Variants in IQSEC1 observed in about 807,000 individuals in gnomAD.
The protein encoded by IQSEC1 is IQ motif and Sec7 domain ArfGEF 1.
Under a neutral mutation model 91.0 loss-of-function variants are expected in IQSEC1, and 31 were observed. That is an observed-to-expected ratio of 0.34 (90% confidence interval 0.26 to 0.46). The LOEUF (loss-of-function observed/expected upper bound fraction) is 0.46. Among genes scored for constraint, IQSEC1 ranks in the 20% least tolerant of loss-of-function variants. The probability of loss-of-function intolerance (pLI) is 1.00; values close to 1 mark genes in which losing one functional copy is unlikely to be tolerated. For synonymous variants in IQSEC1, 699 were observed against 662.6 expected, an observed-to-expected ratio of 1.05 and a Z score of -0.84; for missense variants, 1,388 against 1,575.6, an observed-to-expected ratio of 0.88 and a Z score of 2.02.
intron 12 of IQSEC1, among the ~76,000 whole-genome samples, chr3:12,907,675 T>G (rs1695130011): frequency 6.6e-6 from 1 of 152,226 alleles, no homozygotes; most frequent in African/African-American, 2.4e-5. Flanking sequence ...TGAGCCTTGC[T>G]GCTCCCGGTG....
At chr3:13,121,070 C>T (rs1279964089) in intron 2 of IQSEC1, among the ~76,000 whole-genome samples, 1 of 152,220 alleles carries the variant, frequency 6.6e-6, no homozygotes, top group East Asian at 1.9e-4. Flanking sequence ...TGGAGGAGGC[C>T]AGCATGGTCG....
At chr3:13,130,002 C>A (rs558465042) in intron 2 of IQSEC1, among the ~76,000 whole-genome samples, 2 of 151,624 alleles carry the variant, frequency 1.3e-5, no homozygotes, top group Non-Finnish European at 2.9e-5. Context: ...TTATCATTCA[C>A]TTCAGAAGAC....
intron 1 of IQSEC1, among the ~76,000 whole-genome samples, chr3:13,025,598 C>T (rs1031950146): frequency 1.3e-5 from 2 of 152,196 alleles, no homozygotes; most frequent in African/African-American, 4.8e-5. Flanking sequence ...GCCCTCTCCT[C>T]GCCTGTTGAG....
At chr3:12,955,639 T>A (rs1233283902) in intron 1 of IQSEC1, among the ~76,000 whole-genome samples, 1 of 152,196 alleles carries the variant, frequency 6.6e-6, no homozygotes, top group Non-Finnish European at 1.5e-5. Flanking sequence ...ACAGGAAAAG[T>A]CAACCCCTAA....
Position 12,994,576 on chromosome 3 carries a change from C to G in IQSEC1, c.24-52711G>C, listed in dbSNP as rs921596843. On this transcript the variant is annotated intron_variant, in intron 1 of 13. Transcript: ENST00000613206. This position sits in a 1 kb window ranked among gnomAD's most constrained non-coding sequence, Gnocchi z 4.5. The stretch of plus-strand genomic sequence containing the variant: ...CGAACAAACGCACCTCAGGCCAAGT[C>G]CCCCGGCTCCTCCGAGGGAAAGCTG... 6.6e-6 allele frequency among the ~76,000 whole-genome samples: 1 copy of G among 152,132 alleles called. No individual in the cohort carries two copies. The highest frequency in any genetic ancestry group is 1.5e-5 in the Non-Finnish European group (1 of 68,020).
At chr3:13,054,039 G>A (rs1386265952) in intron 1 of IQSEC1, among the ~76,000 whole-genome samples, 1 of 152,124 alleles carries the variant, frequency 6.6e-6, no homozygotes, top group East Asian at 1.9e-4. Flanking sequence ...ACCGTCTCTC[G>A]AGTGTGTTTC....
rs1235398762 is a variant in IQSEC1, at chr3:13,103,445, C to G, written c.303-55923G>C. Among the ~76,000 whole-genome samples the G allele has an allele frequency of 6.6e-6, 1 of 151,992 alleles. No individual in the cohort carries two copies. The highest frequency in any genetic ancestry group is 1.5e-5 in the Non-Finnish European group (1 of 68,010). ...GGGGGAGTGGCAGGTGTGTTTAAAG[C>G]TGTATGATCACCATCCTCAGTCACT... On this transcript the variant is annotated intron_variant, in intron 2 of 15. Coordinates refer to the IQSEC1 transcript ENST00000648114. This position sits in a 1 kb window ranked among gnomAD's most constrained non-coding sequence, Gnocchi z 4.1.
intron 1 of IQSEC1, among the ~76,000 whole-genome samples, chr3:13,279,036 C>G (rs1019111005): frequency 6.6e-6 from 1 of 152,142 alleles, no homozygotes; most frequent in East Asian, 1.9e-4. Context: ...AGGCATAGAC[C>G]GTAAGCAGGG....
intron 2 of IQSEC1, among the ~76,000 whole-genome samples, chr3:13,145,346 C>G (rs1576270590): frequency 1.3e-5 from 2 of 152,328 alleles, no homozygotes; most frequent in East Asian, 3.9e-4. Flanking sequence ...TACTCCACCC[C>G]TAACAGAATG....
chr3:13,030,923 C>G (rs1466603630), intron 1 of IQSEC1, among the ~76,000 whole-genome samples: 1 of 152,272 alleles, frequency 6.6e-6, no homozygotes, highest in East Asian at 1.9e-4. Context: ...ATGTTTCACA[C>G]TTTCAACAAT....
At chr3:12,927,982 A>T (rs1697310926) in intron 3 of IQSEC1, among the ~76,000 whole-genome samples, 1 of 151,622 alleles carries the variant, frequency 6.6e-6, no homozygotes, top group Admixed American at 6.6e-5. Flanking sequence ...CAGGCCATGG[A>T]GAGGGGTCTG....
chr3:12,946,786 T>C (rs1699209968), intron 1 of IQSEC1, among the ~76,000 whole-genome samples: 1 of 152,096 alleles, frequency 6.6e-6, no homozygotes, highest in Non-Finnish European at 1.5e-5. Context: ...GGAGCAAAAA[T>C]AGCCCTGCTG....
chr3:13,104,404 T>A (rs1378714032), intron 2 of IQSEC1, among the ~76,000 whole-genome samples: 2 of 152,112 alleles, frequency 1.3e-5, no homozygotes, highest in Non-Finnish European at 2.9e-5. Context: ...TCCACTTCCA[T>A]CTTCCTTTTC....
intron 2 of IQSEC1, among the ~76,000 whole-genome samples, chr3:13,159,652 A>G (rs538113411): frequency 1.3e-4 from 20 of 152,336 alleles, no homozygotes; most frequent in Non-Finnish European, 1.9e-4. Context: ...ATAAGGGCCA[A>G]TAATAACTCT....
intron 1 of IQSEC1, among the ~76,000 whole-genome samples, chr3:12,961,837 CATCT>C (rs1339363905): frequency 1.3e-5 from 2 of 152,212 alleles, no homozygotes; most frequent in East Asian, 3.9e-4. Context: ...TCCTGTCATC[CATCT>C]TTTACCAATG....
In IQSEC1 at chr3:12,913,456, T is replaced by C; in HGVS notation, c.2288A>G (p.Glu763Gly). ...CAGGAGGTCGTTGAACAGGAAGATT[T>C]CTCGCTGGTGTAGTCCGAGTTTCTG... ...KPQKLGLHQR[E>G]IFLFNDLLVV... Residue 763 changes from glutamate (E) to glycine (G), a missense_variant, in exon 9 of 14, where the codon GAA (glutamate) becomes GGA (glycine). By Grantham distance (98) the Glu-to-Gly change is moderately conservative (BLOSUM62 -2). Around this residue, in one of 2 missense-constraint regions of IQSEC1, gnomAD observed 1,059 missense variants for 1,317.8 expected, o/e 0.80. Transcript: ENST00000613206. 6.2e-7 allele frequency: 1 copy of C among 1,604,796 alleles called. No individual in the cohort carries two copies. The highest frequency in any genetic ancestry group is 8.5e-7 in the Non-Finnish European group (1 of 1,174,434).
At chr3:13,087,051 C>A (rs1705748433) in intron 2 of IQSEC1, among the ~76,000 whole-genome samples, 1 of 152,222 alleles carries the variant, frequency 6.6e-6, no homozygotes, top group African/African-American at 2.4e-5. Context: ...CCAGCTGGTT[C>A]AGGGGATCGT....
intron 2 of IQSEC1, among the ~76,000 whole-genome samples, chr3:13,135,193 C>T (rs66484111): frequency 0.012 from 1,774 of 152,330 alleles, 37 homozygotes; most frequent in African/African-American, 0.04. Context: ...GTGCTCAAAC[C>T]TGTGCCTGGG....
rs76221232 is a variant in IQSEC1, at chr3:12,938,710, G to A, written c.319-2013C>T. On this transcript the variant is annotated intron_variant, in intron 2 of 13. Coordinates refer to ENST00000613206, the MANE Select transcript of IQSEC1 (RefSeq NM_001134382.3). ...TCACTGTACTTTGTGGGCGGCACAA[G>A]TACGAGGACCTCCAGCTCAGGCCTA... is the stretch of plus-strand genomic sequence containing the variant. Among the ~76,000 whole-genome samples the A allele has an allele frequency of 7.5e-3, 1,141 of 152,190 alleles. 12 individuals carry two copies. The highest frequency in any genetic ancestry group is 0.026 in the African/African-American group (1,077 of 41,526).
Sources: allele counts gnomAD v4.1 joint callset (sites outside exome capture counted in the v4.1 genomes callset), GRCh38; gene constraint gnomAD v4.1.1; regional missense constraint gnomAD v4.1.1; non-coding constraint Gnocchi (gnomAD v3.1); transcripts MANE v1.5; gene names NCBI Gene and HGNC (gene_info 2026-07-23, HGNC 2026-07-21).